Variants in CFAP299 observed in about 807,000 individuals in gnomAD.
CFAP299 encodes the protein cilia- and flagella-associated protein 299.
In CFAP299, 21 loss-of-function variants were observed where a neutral mutation model predicts 27.0. That is an observed-to-expected ratio of 0.78 (90% CI 0.55 to 1.12). The LOEUF is 1.12. Among genes scored for constraint, CFAP299 ranks in the 50% most tolerant of loss-of-function variants. The pLI, the probability that CFAP299 is intolerant of heterozygous loss-of-function variation, is 0.00. For synonymous variants in CFAP299, 104 were observed against 98.1 expected (o/e 1.06, Z -0.36); for missense variants, 310 against 276.6 (o/e 1.12, Z -0.86).
chr4:80,600,183 C>T lies in CFAP299; in HGVS notation c.333+17000C>T, dbSNP rs576882104. ...GAAACAGTTTCTGCAATATATTAGGCGCAAATATGCTTTCTTTCCATGTTA... is the reference window on the plus strand; with the variant it reads ...GAAACAGTTTCTGCAATATATTAGGTGCAAATATGCTTTCTTTCCATGTTA... On this transcript the variant is annotated intron_variant, in intron 3 of 5. Transcript: ENST00000358105. Among the ~76,000 whole-genome samples, 18 of 152,166 alleles carry T rather than the reference C, an allele frequency of 1.2e-4. No homozygotes were observed. The East Asian group carries it at 3.5e-3, about 29-fold the overall frequency.
chr4:80,809,423 A>T (rs1187709326), intron 3 of CFAP299, among the ~76,000 whole-genome samples: 1 of 152,172 alleles, frequency 6.6e-6, no homozygotes, highest in African/African-American at 2.4e-5. Context: ...ATGATGTTTT[A>T]TACTTTTTCT....
At chr4:80,506,118 A>G (rs963420896) in intron 2 of CFAP299, among the ~76,000 whole-genome samples, 20 of 151,806 alleles carry the variant, frequency 1.3e-4, no homozygotes, top group Admixed American at 7.2e-4. Context: ...TGACATTTTG[A>G]TGTAAGTGAT....
chr4:80,902,157 C>G (rs187036554), intron 4 of CFAP299, among the ~76,000 whole-genome samples: 1 of 151,790 alleles, frequency 6.6e-6, no homozygotes, highest in African/African-American at 2.4e-5. Flanking sequence ...AAAATCTGAA[C>G]ATTTTTCCTA....
rs529348500 is a variant in CFAP299, at chr4:80,601,162, CAA to C, written c.333+17981_333+17982del. Among the ~76,000 whole-genome samples, 16 of 152,136 alleles carry C rather than the reference CAA, an allele frequency of 1.1e-4. No homozygotes were observed. The South Asian group carries it at 3.3e-3, about 32-fold the overall frequency. Reference sequence around the variant, plus strand: ...GTTAGCAGATAATGAAATTGAGACTCAAAGAGGTGATAACTTATTATACACAT... The same window carrying C: ...GTTAGCAGATAATGAAATTGAGACTCAGAGGTGATAACTTATTATACACAT... On this transcript the variant is annotated intron_variant, in intron 3 of 5. Coordinates refer to ENST00000358105, the MANE Select transcript of CFAP299 (RefSeq NM_152770.3).
chr4:80,619,663 A>G (rs1273730943), intron 3 of CFAP299, among the ~76,000 whole-genome samples: 1 of 152,122 alleles, frequency 6.6e-6, no homozygotes, highest in Non-Finnish European at 1.5e-5. Context: ...CAGTGCAGTC[A>G]ATGACTAGGT....
intron 2 of CFAP299, among the ~76,000 whole-genome samples, chr4:80,465,504 T>C (rs951708941): frequency 6.6e-6 from 1 of 152,188 alleles, no homozygotes; most frequent in Non-Finnish European, 1.5e-5. Context: ...CCTGCAGTTA[T>C]GTACTGTGGG....
At chr4:80,926,189 A>G (rs144019879) in intron 4 of CFAP299, among the ~76,000 whole-genome samples, 28 of 152,194 alleles carry the variant, frequency 1.8e-4, no homozygotes, top group Non-Finnish European at 3.5e-4. Flanking sequence ...AGAGAAATGC[A>G]CATAGTAGAA....
At chr4:80,510,536 C>T (rs977910935) in intron 2 of CFAP299, among the ~76,000 whole-genome samples, 1 of 152,156 alleles carries the variant, frequency 6.6e-6, no homozygotes, top group African/African-American at 2.4e-5. Context: ...GCGTCGTCCT[C>T]TGACCTACCC....
intron 3 of CFAP299, among the ~76,000 whole-genome samples, chr4:80,858,326 C>G (rs935287717): frequency 6.6e-6 from 1 of 151,918 alleles, no homozygotes; most frequent in Non-Finnish European, 1.5e-5. Flanking sequence ...TGCTAGCGGT[C>G]TATCAATTTT....
chr4:80,782,573 T>C (rs993233872), intron 3 of CFAP299, among the ~76,000 whole-genome samples: 3 of 136,858 alleles, frequency 2.2e-5, no homozygotes, highest in Non-Finnish European at 4.9e-5. Context: ...AATATACATA[T>C]ATGAATATAT....
intron 1 of CFAP299, among the ~76,000 whole-genome samples, chr4:80,345,455 T>G (rs1722683061): frequency 8.3e-6 from 1 of 120,124 alleles, no homozygotes; most frequent in South Asian, 3.2e-4. Flanking sequence ...CCCCGGTGTG[T>G]GATGTTCCCC....
intron 2 of CFAP299, among the ~76,000 whole-genome samples, chr4:80,546,299 T>C (rs570216516): frequency 1.7e-4 from 26 of 152,140 alleles, no homozygotes; most frequent in African/African-American, 6.3e-4. Context: ...AAAATCAGTG[T>C]ACAAAAATCA....
chr4:80,603,832 A>C (rs939814025), intron 3 of CFAP299, among the ~76,000 whole-genome samples: 23 of 152,286 alleles, frequency 1.5e-4, no homozygotes, highest in African/African-American at 4.6e-4. Context: ...AAAAAACTCT[A>C]TCTCTCTTGG....
At position 80,803,924 on chromosome 4, in the gene CFAP299, A is replaced by G. The variant is rs142153771; in HGVS notation, c.334-66069A>G. On this transcript the variant is annotated intron_variant, in intron 3 of 5. Coordinates refer to ENST00000358105, the MANE Select transcript of CFAP299 (RefSeq NM_152770.3). ...GGTAATTTATAAAGAACAGAAATTT[A>G]TACCTTAAGGTTCTGGGGGACATCC... Among the ~76,000 whole-genome samples, 1,414 of 152,126 alleles carry G rather than the reference A, an allele frequency of 9.3e-3. 18 individuals are homozygous for G. The highest frequency in any genetic ancestry group is 0.06 in the South Asian group (287 of 4,822).
chr4:80,539,692 G>A (rs1023904814), intron 2 of CFAP299, among the ~76,000 whole-genome samples: 1 of 152,162 alleles, frequency 6.6e-6, no homozygotes, highest in Non-Finnish European at 1.5e-5. Context: ...TAGAAGAGAT[G>A]TAAACAACCT....
intron 2 of CFAP299, among the ~76,000 whole-genome samples, chr4:80,546,408 T>G (rs978935720): frequency 6.6e-6 from 1 of 152,152 alleles, no homozygotes; most frequent in Non-Finnish European, 1.5e-5. Flanking sequence ...TACCTAGTAA[T>G]GCTGCTTACC....
intron 2 of CFAP299, among the ~76,000 whole-genome samples, chr4:80,424,349 T>C (rs1203198721): frequency 6.6e-6 from 1 of 152,184 alleles, no homozygotes; most frequent in Non-Finnish European, 1.5e-5. Context: ...AGGATAAGTA[T>C]AATATGACCA....
chr4:80,699,422 G>A (rs939083061), intron 3 of CFAP299, among the ~76,000 whole-genome samples: 11 of 152,112 alleles, frequency 7.2e-5, no homozygotes, highest in Non-Finnish European at 1.5e-4. Flanking sequence ...TCTTCCAGCT[G>A]CAGAAAGCAC....
At position 80,856,122 on chromosome 4, in the gene CFAP299, C is replaced by A. The variant is rs1731865692; in HGVS notation, c.334-13871C>A. Among the ~76,000 whole-genome samples, 5 of 151,784 alleles carry A rather than the reference C, an allele frequency of 3.3e-5. No homozygotes were observed. The South Asian group carries it at 1.0e-3, about 32-fold the overall frequency. On this transcript the variant is annotated intron_variant, in intron 3 of 5. Coordinates refer to ENST00000358105, the MANE Select transcript of CFAP299 (RefSeq NM_152770.3). ...TTCTAACTGGTATGAGATGATATCT[C>A]ATTGTGGTTTTGATTTGCATTTCTC... is the stretch of plus-strand genomic sequence containing the variant.
Sources: allele counts gnomAD v4.1 joint callset (sites outside exome capture counted in the v4.1 genomes callset), GRCh38; gene constraint gnomAD v4.1.1; transcripts MANE v1.5; gene names NCBI Gene and HGNC (gene_info 2026-07-23, HGNC 2026-07-21).